ANK2: variants seen among roughly 807,000 people sequenced by gnomAD.
ANK2 encodes ankyrin 2.
ANK2 carries 83 observed loss-of-function variants against 360.5 expected under a neutral mutation model. The ratio of observed to expected loss-of-function variants is 0.23; its 90% CI spans 0.19 to 0.28. The LOEUF is 0.28. Among genes scored for constraint, ANK2 ranks in the 10% least tolerant of loss-of-function variants. The pLI, the probability that ANK2 is intolerant of heterozygous loss-of-function variation, is 1.00. For synonymous variants in ANK2, 1,740 were observed against 1,759.5 expected (o/e 0.99, Z 0.28); for missense variants, 4,201 against 4,795.7 (o/e 0.88, Z 3.66).
chr4:113,236,136 G>A (rs866484536), intron 5 of ANK2, among the ~76,000 whole-genome samples: 2 of 151,664 alleles, frequency 1.3e-5, no homozygotes, highest in Admixed American at 6.6e-5. Context: ...TGTGGATTAA[G>A]GATGTTTTTT....
chr4:113,025,761 G>T (rs1286502383), intron 2 of ANK2, among the ~76,000 whole-genome samples: 1 of 152,018 alleles, frequency 6.6e-6, no homozygotes, highest in Admixed American at 6.6e-5. Flanking sequence ...AGGGGAAGGG[G>T]GTCTCACTCT....
chr4:113,342,626 G>C (rs970775679), intron 33 of ANK2, among the ~76,000 whole-genome samples: 2 of 152,088 alleles, frequency 1.3e-5, no homozygotes, highest in African/African-American at 4.8e-5. Context: ...CTTGAACCCG[G>C]GAGGCGGAGG....
At chr4:112,711,534 A>C in the ANK2 span, among the ~76,000 whole-genome samples, 1 of 151,842 alleles carries the variant, frequency 6.6e-6, no homozygotes, top group South Asian at 2.1e-4. Context: ...AAAACACAAC[A>C]GGCCGGGCAT....
At chr4:113,164,668 C>T (rs1288121035) in intron 1 of ANK2, among the ~76,000 whole-genome samples, 5 of 152,170 alleles carry the variant, frequency 3.3e-5, no homozygotes, top group Non-Finnish European at 5.9e-5. Context: ...GATGCGGATG[C>T]GTAGCATAAT....
Position 113,353,498 on chromosome 4 carries a change from G to T in ANK2, c.4880G>T (p.Gly1627Val). ...GTTAGAATAGATAAAGAGATCAAAG[G>T]AAAAGTAGAGAAAGACTCAACTGGG... ...VEVRIDKEIK[G>V]KVEKDSTGLV... Residue 1627 changes from glycine (G) to valine (V), a missense_variant, in exon 38 of 46, where the codon GGA becomes GTA. This residue lies in a region of ANK2 where 1,268 missense variants were observed against 1,650.8 expected (regional missense o/e 0.77). Transcript: ENST00000357077. 6.2e-7 allele frequency: 1 copy of T among 1,613,974 alleles called. No individual in the cohort carries two copies. The highest frequency in any genetic ancestry group is 1.1e-5 in the South Asian group (1 of 91,070).
Position 113,348,301 on chromosome 4 carries a change from A to T in ANK2, c.4397A>T (p.Glu1466Val), listed in dbSNP as rs764853637. Residue 1466 changes from glutamate to valine, a missense_variant, in exon 36 of 46, where the codon GAG becomes GTG. Coordinates refer to ENST00000357077, the MANE Select transcript of ANK2 (RefSeq NM_001148.6). ...TKESESDQEQ[E>V]EEIDMTSEKN... ...GAATCAGAGTCAGATCAAGAACAGGAGGAAGAGGTAATTTTATGACAGTGT... is the reference window on the plus strand; with the variant it reads ...GAATCAGAGTCAGATCAAGAACAGGTGGAAGAGGTAATTTTATGACAGTGT... 8.7e-6 allele frequency: 14 copies of T among 1,613,266 alleles called. No individual in the cohort carries two copies. In the South Asian group the frequency reaches 1.5e-4, roughly 18 times the overall value.
chr4:112,990,966 A>G lies in ANK2; in HGVS notation c.21+86452A>G, dbSNP rs145337674. On this transcript the variant is annotated intron_variant, in intron 2 of 30. Transcript: ENST00000503271. ...CCTAATTTTCTTTCTTTGAAATCCT[A>G]TTGGGCAAGGCTCAGTGGTTCATGC... is the stretch of plus-strand genomic sequence containing the variant. 2.7e-3 allele frequency among the ~76,000 whole-genome samples: 413 copies of G among 152,252 alleles called. 3 individuals are homozygous for G. Among genetic ancestry groups the G allele is most frequent in the African/African-American group, 9.4e-3 (389 of 41,556 alleles).
At chr4:112,774,336 C>T in the ANK2 span, among the ~76,000 whole-genome samples, 1 of 151,982 alleles carries the variant, frequency 6.6e-6, no homozygotes, top group East Asian at 1.9e-4. Context: ...ACCATCCTGG[C>T]TAACACGGTG....
chr4:112,981,362 A>C (rs2043063211), intron 2 of ANK2, among the ~76,000 whole-genome samples: 1 of 152,254 alleles, frequency 6.6e-6, no homozygotes, highest in Non-Finnish European at 1.5e-5. Flanking sequence ...AAAACTAACC[A>C]GTGGAAATAC....
At chr4:113,072,886 G>C (rs957369795) in intron 1 of ANK2, among the ~76,000 whole-genome samples, 2 of 143,296 alleles carry the variant, frequency 1.4e-5, no homozygotes, top group Non-Finnish European at 3.0e-5. Flanking sequence ...ATCACAAAAT[G>C]TATGACAATT....
chr4:112,766,062 C>T, the ANK2 span, among the ~76,000 whole-genome samples: 1 of 152,188 alleles, frequency 6.6e-6, no homozygotes. Flanking sequence ...CAGCTGGGCA[C>T]AGTGGTTCAT....
At chr4:112,864,688 T>C (rs1390777818) in intron 1 of ANK2, among the ~76,000 whole-genome samples, 1 of 151,884 alleles carries the variant, frequency 6.6e-6, no homozygotes, top group Admixed American at 6.6e-5. Context: ...TGTTTTGATA[T>C]AATATAAAAG....
the ANK2 span, among the ~76,000 whole-genome samples, chr4:112,770,578 T>C: frequency 6.6e-6 from 1 of 152,172 alleles, no homozygotes; most frequent in Admixed American, 6.6e-5. Context: ...TAGAGGCATG[T>C]GCCTGTAATC....
chr4:113,145,881 G>A (rs2096811289), intron 1 of ANK2: 1 of 1,289,668 alleles, frequency 7.8e-7, no homozygotes, highest in Non-Finnish European at 1.0e-6. Flanking sequence ...GGGGAATGCA[G>A]CCCTCTGCTC....
chr4:112,718,755 A>G, the ANK2 span, among the ~76,000 whole-genome samples: 8 of 152,204 alleles, frequency 5.3e-5, no homozygotes, highest in Non-Finnish European at 1.2e-4. Context: ...CATCTGCCTC[A>G]GCTTCCCAAG....
chr4:112,895,013 G>T (rs1003652435), intron 1 of ANK2, among the ~76,000 whole-genome samples: 6 of 152,208 alleles, frequency 3.9e-5, no homozygotes, highest in African/African-American at 1.4e-4. Flanking sequence ...GGATGCTGGT[G>T]CATTAGACAC....
chr4:113,354,215 A>T lies in ANK2; in HGVS notation c.5597A>T (p.His1866Leu), dbSNP rs2095596617. The change falls in exon 38 of 46, where the codon CAT (histidine) becomes CTT (leucine). Residue 1866 changes from histidine (H) to leucine (L), a missense_variant. Coordinates refer to ENST00000357077, the MANE Select transcript of ANK2 (RefSeq NM_001148.6). Reference sequence around the variant, plus strand: ...TCACCCTCTGCAAAAACGGAAAGACATTCACCTGCGTCATCATCGAGTAAA... The same window carrying T: ...TCACCCTCTGCAAAAACGGAAAGACTTTCACCTGCGTCATCATCGAGTAAA... Reference protein sequence around the residue: ...PVSPSAKTERHSPASSSSKTE... With the variant: ...PVSPSAKTERLSPASSSSKTE... 3.1e-6 allele frequency: 5 copies of T among 1,613,906 alleles called. 1 individual carries two copies. The highest frequency in any genetic ancestry group is 4.2e-6 in the Non-Finnish European group (5 of 1,179,942).
intron 2 of ANK2, among the ~76,000 whole-genome samples, chr4:113,185,165 C>T (rs142681530): frequency 0.03 from 4,571 of 152,258 alleles, 234 homozygotes; most frequent in African/African-American, 0.1. Flanking sequence ...GCAATGAACA[C>T]ACATGTGCAT....
intron 1 of ANK2, chr4:113,117,160 T>A (rs191515247): frequency 1.5e-4 from 58 of 386,620 alleles, no homozygotes; most frequent in African/African-American, 9.6e-4. Context: ...GATTATCTTG[T>A]GAGTGTTCTG....
Sources: allele counts gnomAD v4.1 joint callset (sites outside exome capture counted in the v4.1 genomes callset), GRCh38; gene constraint gnomAD v4.1.1; regional missense constraint gnomAD v4.1.1; transcripts MANE v1.5; gene names NCBI Gene and HGNC (gene_info 2026-07-23, HGNC 2026-07-21).